The following RGS3 variants were observed in gnomAD, a reference collection of about 807,000 sequenced individuals.
RGS3 encodes regulator of G-protein signalling 3.
In RGS3, 80 loss-of-function variants were observed where a neutral mutation model predicts 132.6. The observed-to-expected ratio is 0.60, with a 90% CI of 0.50 to 0.73. The LOEUF is 0.73. RGS3 is among the 30% of genes least tolerant of loss of function. The pLI, the probability that RGS3 is intolerant of heterozygous loss-of-function variation, is 0.00. For missense variants in RGS3, 1,382 were observed against 1,530.8 expected, an observed-to-expected ratio of 0.90 and a Z score of 1.62; for synonymous variants, 598 against 620.6, an observed-to-expected ratio of 0.96 and a Z score of 0.54.
At chr9:113,484,296 T>C in intron 6 of RGS3, 64 bp downstream of exon 4, 1 of 639,596 alleles carries the variant, frequency 1.6e-6, no homozygotes, top group South Asian at 1.7e-5. Context: ...TGGAAACAGC[T>C]CTGTTTGCCA....
At chr9:113,571,006 C>A (rs117621608) in intron 19 of RGS3, among the ~76,000 whole-genome samples, 3,804 of 152,294 alleles carry the variant, frequency 0.025, 101 homozygotes, top group Admixed American at 0.087. Context: ...TCATTGGGTA[C>A]ATATTATTTC....
chr9:113,518,694 C>T (rs942866609), intron 16 of RGS3, among the ~76,000 whole-genome samples: 1 of 152,170 alleles, frequency 6.6e-6, no homozygotes. Context: ...CTGTTGCCTA[C>T]TGTATTTCTG....
intron 1 of RGS3, among the ~76,000 whole-genome samples, chr9:113,460,845 C>T (rs1264868307): frequency 6.6e-6 from 1 of 152,134 alleles, no homozygotes; most frequent in Non-Finnish European, 1.5e-5. Context: ...CATTTAGTCC[C>T]TTCTTTTCAA....
intron 7 of RGS3, among the ~76,000 whole-genome samples, chr9:113,487,821 G>A (rs1017943872): frequency 5.9e-5 from 9 of 152,176 alleles, no homozygotes; most frequent in Non-Finnish European, 1.3e-4. Context: ...AGGGCCGGTG[G>A]TTCTCGATCC....
intron 3 of RGS3, among the ~76,000 whole-genome samples, chr9:113,477,775 C>T (rs1257812709): frequency 6.6e-6 from 1 of 152,196 alleles, no homozygotes; most frequent in Non-Finnish European, 1.5e-5. Flanking sequence ...AGGGCTCCCA[C>T]CACAGGAAGC....
chr9:113,501,517 C>T, intron 10 of RGS3: 2 of 1,533,294 alleles, frequency 1.3e-6, no homozygotes, highest in South Asian at 1.2e-5. Context: ...AGTGCGGGCT[C>T]CCGCTGCTGG....
chr9:113,541,429 C>T (rs751510103), intron 19 of RGS3: 3 of 1,613,072 alleles, frequency 1.9e-6, no homozygotes, highest in Non-Finnish European at 2.5e-6. Flanking sequence ...ATTGGCTGAG[C>T]AAACCCAAGG....
chr9:113,463,614 G>C lies in RGS3; in HGVS notation c.415+1413G>C. The stretch of plus-strand genomic sequence containing the variant: ...CCCCACCCCGGCCCAGCTCTGCTCC[G>C]GCAGGTGGAACTCTCCCCATTCAAA... On this transcript the variant is annotated intron_variant, in intron 3 of 24. Coordinates refer to ENST00000350696, the Ensembl canonical transcript of RGS3. This position sits in a 1 kb window ranked among gnomAD's most constrained non-coding sequence, Gnocchi z 4.6. 9 of 815,180 alleles carry C rather than the reference G, an allele frequency of 1.1e-5. No individual in the cohort carries two copies. Among genetic ancestry groups the C allele is most frequent in the East Asian group, 7.2e-5 (1 of 13,926 alleles). 50.5% of individuals were successfully genotyped at this position (815,180 alleles called of 1,614,324 possible).
At chr9:113,588,523 A>G (rs1835241394) in intron 20 of RGS3, among the ~76,000 whole-genome samples, 1 of 152,192 alleles carries the variant, frequency 6.6e-6, no homozygotes, top group African/African-American at 2.4e-5. Context: ...GCTACTTGTT[A>G]GTTCAGAGAG....
chr9:113,506,022 A>G lies in RGS3; in HGVS notation c.980-366A>G, dbSNP rs1831114104. On this transcript the variant is annotated intron_variant, in intron 11 of 24. Coordinates refer to ENST00000350696, the Ensembl canonical transcript of RGS3. This position sits in a 1 kb window ranked among gnomAD's most constrained non-coding sequence, Gnocchi z 4.7. Reference sequence around the variant, plus strand: ...AGGGTGGGCATGAGGTTCGTGCACAATGATTGGCAGAGAAGGAATAAATGT... The same window carrying G: ...AGGGTGGGCATGAGGTTCGTGCACAGTGATTGGCAGAGAAGGAATAAATGT... Among the ~76,000 whole-genome samples the G allele has an allele frequency of 6.6e-6, 1 of 152,144 alleles. No homozygotes were observed. Among genetic ancestry groups the G allele is most frequent in the East Asian group, 1.9e-4 (1 of 5,184 alleles).
At chr9:113,552,315 A>G (rs1009552785) in intron 19 of RGS3, among the ~76,000 whole-genome samples, 6 of 151,752 alleles carry the variant, frequency 4.0e-5, no homozygotes, top group Non-Finnish European at 7.4e-5. Context: ...TCATACATTT[A>G]TTTATTTATT....
intron 10 of RGS3, chr9:113,501,316 A>G: frequency 3.1e-6 from 3 of 983,354 alleles, no homozygotes; most frequent in Non-Finnish European, 4.2e-6. Flanking sequence ...CCCGGGGAAT[A>G]CTAACTAGTT....
intron 3 of RGS3, among the ~76,000 whole-genome samples, chr9:113,477,165 A>G (rs1009031842): frequency 6.6e-6 from 1 of 152,110 alleles, no homozygotes; most frequent in African/African-American, 2.4e-5. Flanking sequence ...CCTTTCATCC[A>G]AGGAGTCCTC....
intron 1 of RGS3, among the ~76,000 whole-genome samples, chr9:113,447,688 ATCTT>A (rs1829142972): frequency 6.6e-6 from 1 of 152,000 alleles, no homozygotes; most frequent in African/African-American, 2.4e-5. Context: ...TTGTGTGATC[ATCTT>A]TGACCTTTTC....
At chr9:113,597,005 C>T (rs768144295) in exon 25 of RGS3, 1 of 1,485,900 alleles carries the variant, frequency 6.7e-7, no homozygotes, top group Admixed American at 2.0e-5. Context: ...GGGTCCCCTG[C>T]CCACCTGCCT....
At position 113,521,907 on chromosome 9, in the gene RGS3, A is replaced by G. The variant is rs537587308; in HGVS notation, c.1759-1023A>G. 7.2e-5 allele frequency among the ~76,000 whole-genome samples: 11 copies of G among 152,334 alleles called. No individual in the cohort carries two copies. The South Asian group carries it at 2.3e-3, about 32-fold the overall frequency. On this transcript the variant is annotated intron_variant, in intron 16 of 24. Transcript: ENST00000350696. ...TCTGGCTGGTTCTTCTTCAGAAGAG[A>G]CAAGGTGTCAGGTGTTTGATATCTC...
In RGS3 at chr9:113,532,992, G is replaced by A. The variant is rs149320235; in HGVS notation, c.1914+3728G>A. On this transcript the variant is annotated intron_variant, in intron 18 of 24. Coordinates refer to ENST00000350696, the Ensembl canonical transcript of RGS3. ...GAGGGAGCATTCCTGCCAGCCACAGGTGTGGCAGCCTGACCAGGTGATGAG... is the reference window on the plus strand; with the variant it reads ...GAGGGAGCATTCCTGCCAGCCACAGATGTGGCAGCCTGACCAGGTGATGAG... 2.2e-3 allele frequency among the ~76,000 whole-genome samples: 333 copies of A among 152,318 alleles called. 2 individuals carry two copies. Among genetic ancestry groups the A allele is most frequent in the African/African-American group, 7.3e-3 (302 of 41,552 alleles).
intron 3 of RGS3, among the ~76,000 whole-genome samples, chr9:113,471,049 A>G (rs1384894785): frequency 6.6e-6 from 1 of 152,132 alleles, no homozygotes. Flanking sequence ...ACCTAGGATG[A>G]TATTTTCCTT....
chr9:113,513,677 G>T (rs907426582), intron 14 of RGS3, among the ~76,000 whole-genome samples: 1 of 152,206 alleles, frequency 6.6e-6, no homozygotes, highest in African/African-American at 2.4e-5. Flanking sequence ...GGTGAAATAA[G>T]TTGCCCAAGC....
Sources: allele counts gnomAD v4.1 joint callset (sites outside exome capture counted in the v4.1 genomes callset), GRCh38; gene constraint gnomAD v4.1.1; non-coding constraint Gnocchi (gnomAD v3.1); transcripts MANE v1.5; gene names NCBI Gene and HGNC (gene_info 2026-07-23, HGNC 2026-07-21).